The following COL5A1 variants were observed in gnomAD, a reference collection of about 807,000 sequenced individuals.
The protein encoded by COL5A1 is collagen type V alpha 1 chain, also known as collagen alpha-1(V) chain.
In COL5A1, 16 loss-of-function variants were observed where a neutral mutation model predicts 263.7. The observed-to-expected ratio is 0.06, with a 90% CI of 0.04 to 0.09. The LOEUF is 0.09. Ranked by LOEUF, COL5A1 falls within the 10% of genes least tolerant of loss-of-function variation. The probability of loss-of-function intolerance (pLI) is 1.00; values close to 1 mark genes in which losing one functional copy is unlikely to be tolerated. For missense variants in COL5A1, 2,036 were observed against 2,540.5 expected (o/e 0.80, Z 4.27); for synonymous variants, 1,012 against 1,004.5 (o/e 1.01, Z -0.14).
At position 134,686,357 on chromosome 9, in the gene COL5A1, G is replaced by A. The variant is rs773545388; in HGVS notation, c.110-4555G>A. Among the ~76,000 whole-genome samples the A allele has an allele frequency of 1.3e-5, 2 of 151,928 alleles. No homozygotes were observed. The highest frequency in any genetic ancestry group is 2.4e-5 in the African/African-American group (1 of 41,350). ...CAACCTCCACCACCCAGGGTCAAACGAGCCTCACACCTCAGCCCCTCAGTA... is the reference window on the plus strand; with the variant it reads ...CAACCTCCACCACCCAGGGTCAAACAAGCCTCACACCTCAGCCCCTCAGTA... On this transcript the variant is annotated intron_variant, in intron 1 of 65. Coordinates refer to ENST00000371817, the MANE Select transcript of COL5A1 (RefSeq NM_000093.5). This position sits in a 1 kb window ranked among gnomAD's most constrained non-coding sequence, Gnocchi z 4.6.
At position 134,742,622 on chromosome 9, in the gene COL5A1, G is replaced by A. The variant is rs10117539; in HGVS notation, c.1494+3814G>A. ...CCAAGAGAGCTGGGAGTCCCCAAGT[G>A]AGCTGCAGGCCAGGTGGCCGTTACT... On this transcript the variant is annotated intron_variant, in intron 11 of 65. Transcript: ENST00000371817. This position sits in a 1 kb window ranked among gnomAD's most constrained non-coding sequence, Gnocchi z 4.6. Among the ~76,000 whole-genome samples the A allele has an allele frequency of 0.041, 6,209 of 152,308 alleles. 142 individuals carry two copies. Among genetic ancestry groups the A allele is most frequent in the Middle Eastern group, 0.048 (14 of 294 alleles).
At chr9:134,790,105 C>T (rs1427325934) in intron 32 of COL5A1, among the ~76,000 whole-genome samples, 2 of 152,224 alleles carry the variant, frequency 1.3e-5, no homozygotes, top group Non-Finnish European at 2.9e-5. Context: ...TCCTGCTGTC[C>T]CAGGGCAGAC....
At position 134,642,375 on chromosome 9, in the gene COL5A1, G is replaced by T; in HGVS notation, c.109+79G>T. On this transcript the variant is annotated intron_variant, in intron 1 of 65. Coordinates refer to ENST00000371817, the MANE Select transcript of COL5A1 (RefSeq NM_000093.5). The surrounding 1 kb of genome is among the most constrained non-coding windows in gnomAD (Gnocchi z 4.5). ...GCCGCTGTCATCCCCGGGCGCCTTC[G>T]CCCGCAGAACTTTTCTTCCTTGGCC... 3.2e-6 allele frequency: 1 copy of T among 311,674 alleles called. No individual in the cohort carries two copies. The highest frequency in any genetic ancestry group is 5.4e-6 in the Non-Finnish European group (1 of 184,520). 19.3% of individuals were successfully genotyped at this position (311,674 alleles called of 1,614,324 possible). A position where few individuals can be genotyped will look rare whatever the true frequency, so the allele number is the denominator to read the frequency against.
intron 34 of COL5A1, among the ~76,000 whole-genome samples, chr9:134,795,606 GC>G (rs1837878234): frequency 6.6e-6 from 1 of 152,114 alleles, no homozygotes; most frequent in Non-Finnish European, 1.5e-5. Flanking sequence ...AGGGGGCCAG[GC>G]CCACCGCAGA....
At chr9:134,806,360 G>A in intron 42 of COL5A1, 64 bp downstream of exon 42, 1 of 1,195,852 alleles carries the variant, frequency 8.4e-7, no homozygotes, top group Non-Finnish European at 1.2e-6. Context: ...TCCGTGTCTG[G>A]CCTTGTCCCT....
At chr9:134,762,868 C>T (rs1363619381) in intron 19 of COL5A1, among the ~76,000 whole-genome samples, 5 of 149,712 alleles carry the variant, frequency 3.3e-5, no homozygotes, top group Non-Finnish European at 6.0e-5. Flanking sequence ...ATTGAGAGGA[C>T]GTGTGTGTGT....
chr9:134,727,199 G>T, intron 4 of COL5A1, 67 bp from the exon 5 acceptor site: 1 of 1,555,608 alleles, frequency 6.4e-7, no homozygotes. Context: ...GCATGGGGCT[G>T]TGTCTCCCAG....
rs150993138 is a variant in COL5A1 at position 134,767,050 on chromosome 9, C to A, written c.2184C>A (p.Ala728=). Residue 728 remains alanine, a synonymous_variant, in exon 23 of 66, where the codon GCC becomes GCA. Transcript: ENST00000371817. ...CAGGACAGCAGGGTAATCCAGGCGC[C>A]CAGGTAAGTGAGCCTGAGAGAGGCA... ...GPPGQQGNPG[A]QGLPGPQGAI... 74 of 1,613,290 alleles carry A rather than the reference C, an allele frequency of 4.6e-5. 1 individual carries two copies. Among genetic ancestry groups the A allele is most frequent in the South Asian group, 5.5e-5 (5 of 90,950 alleles).
In COL5A1 at chr9:134,738,674, T is replaced by C; in HGVS notation, c.1432-72T>C. Reference sequence around the variant, plus strand: ...ATCCCACCCCCACCTCTGCCTTGGTTGGCCAGTTGGAACTTGGACCTTGCC... The same window carrying C: ...ATCCCACCCCCACCTCTGCCTTGGTCGGCCAGTTGGAACTTGGACCTTGCC... On this transcript the variant is annotated intron_variant, in intron 10 of 65. Transcript: ENST00000371817. 5 of 1,494,684 alleles carry C rather than the reference T, an allele frequency of 3.3e-6. No homozygotes were observed. In the South Asian group the frequency reaches 5.6e-5, roughly 17 times the overall value. 92.6% of individuals were successfully genotyped at this position (1,494,684 alleles called of 1,614,324 possible). A position where few individuals can be genotyped will look rare whatever the true frequency, so the allele number is the denominator to read the frequency against.
chr9:134,785,202 G>A lies in COL5A1; in HGVS notation c.2592+106G>A, dbSNP rs1837412262. The A allele has an allele frequency of 3.6e-6, 3 of 832,106 alleles. No homozygotes were observed. In the African/African-American group the frequency reaches 5.1e-5, roughly 14 times the overall value. 51.5% of individuals were successfully genotyped at this position (832,106 alleles called of 1,614,324 possible). A position where few individuals can be genotyped will look rare whatever the true frequency, so the allele number is the denominator to read the frequency against. On this transcript the variant is annotated intron_variant, in intron 30 of 65. Transcript: ENST00000371817. Reference sequence around the variant, plus strand: ...TGTGGCTGCCCTAGGCATGGGGTGGGGGTGATTCCTGAGCGGGCTCCTGTC... The same window carrying A: ...TGTGGCTGCCCTAGGCATGGGGTGGAGGTGATTCCTGAGCGGGCTCCTGTC...
Position 134,818,023 on chromosome 9 carries a change from A to G in COL5A1, c.4230+192A>G, listed in dbSNP as rs1838831656. On this transcript the variant is annotated intron_variant, in intron 54 of 65. Coordinates refer to ENST00000371817, the MANE Select transcript of COL5A1 (RefSeq NM_000093.5). This position sits in a 1 kb window ranked among gnomAD's most constrained non-coding sequence, Gnocchi z 6.0. ...TCAAGGAGGCAGCCAAGTGGTGGCCACAAGACTGGGGCCGTCTGCCTTGCC... is the reference window on the plus strand; with the variant it reads ...TCAAGGAGGCAGCCAAGTGGTGGCCGCAAGACTGGGGCCGTCTGCCTTGCC... 6.6e-6 allele frequency among the ~76,000 whole-genome samples: 1 copy of G among 152,222 alleles called. No individual in the cohort carries two copies. Among genetic ancestry groups the G allele is most frequent in the Non-Finnish European group, 1.5e-5 (1 of 68,032 alleles).
In COL5A1 at chr9:134,744,696, C is replaced by A. The variant is rs184986575; in HGVS notation, c.1495-5846C>A. The stretch of plus-strand genomic sequence containing the variant: ...ACACACATTCACACATGCATGCACA[C>A]ACCCATACATGCTCTCACACAGTTA... On this transcript the variant is annotated intron_variant, in intron 11 of 65. Coordinates refer to ENST00000371817, the MANE Select transcript of COL5A1 (RefSeq NM_000093.5). Among the ~76,000 whole-genome samples the A allele has an allele frequency of 2.7e-3, 415 of 151,698 alleles. 3 individuals carry two copies. The highest frequency in any genetic ancestry group is 9.8e-3 in the African/African-American group (402 of 41,040).
chr9:134,809,356 T>C (rs905811135), intron 43 of COL5A1, 66 bp downstream of exon 43: 17 of 1,264,856 alleles, frequency 1.3e-5, no homozygotes, highest in Middle Eastern at 2.6e-4. Context: ...GGGAGGGTGG[T>C]GAATTTAAAG....
At chr9:134,717,986 A>T (rs1464348806) in intron 4 of COL5A1, among the ~76,000 whole-genome samples, 3 of 151,284 alleles carry the variant, frequency 2.0e-5, no homozygotes, top group African/African-American at 7.3e-5. Flanking sequence ...AGGGAGCAGC[A>T]GCATGAGAAG....
intron 18 of COL5A1, among the ~76,000 whole-genome samples, chr9:134,761,139 G>C (rs1208022881): frequency 7.3e-6 from 1 of 136,642 alleles, no homozygotes; most frequent in Non-Finnish European, 1.5e-5. Flanking sequence ...ACCCCCACAT[G>C]CATACACGCC....
chr9:134,650,742 T>G (rs1831651157), intron 1 of COL5A1, among the ~76,000 whole-genome samples: 1 of 152,264 alleles, frequency 6.6e-6, no homozygotes, highest in Non-Finnish European at 1.5e-5. Flanking sequence ...AGAGGGCACG[T>G]TCCCGTGCAT....
In COL5A1 at chr9:134,842,577, C is replaced by G; in HGVS notation, c.*274C>G. On this transcript the variant is annotated 3_prime_UTR_variant, in exon 66 of 66. Transcript: ENST00000371817. This position sits in a 1 kb window ranked among gnomAD's most constrained non-coding sequence, Gnocchi z 5.8. ...ACGCTCTGTCCACACCCACGCGCCC[C>G]GGGAGCGGGGCCATGCCTCCAGCCC... 1.8e-6 allele frequency: 1 copy of G among 555,958 alleles called. No homozygotes were observed. Among genetic ancestry groups the G allele is most frequent in the Non-Finnish European group, 3.2e-6 (1 of 309,212 alleles). 34.4% of individuals were successfully genotyped at this position (555,958 alleles called of 1,614,324 possible).
chr9:134,782,805 C>T, intron 29 of COL5A1, 85 bp downstream of exon 29: 1 of 1,277,136 alleles, frequency 7.8e-7, no homozygotes, highest in Non-Finnish European at 1.1e-6. Flanking sequence ...TTTGCCGCCA[C>T]AGGGCAGCTT....
At chr9:134,772,875 T>C (rs2132742359) in intron 26 of COL5A1, 41 bp downstream of exon 26, 1 of 1,605,926 alleles carries the variant, frequency 6.2e-7, no homozygotes, top group Non-Finnish European at 8.5e-7. Context: ...AGCATCCAGG[T>C]GGGGCGGGTC....
Sources: allele counts gnomAD v4.1 joint callset (sites outside exome capture counted in the v4.1 genomes callset), GRCh38; gene constraint gnomAD v4.1.1; non-coding constraint Gnocchi (gnomAD v3.1); transcripts MANE v1.5; gene names NCBI Gene and HGNC (gene_info 2026-07-23, HGNC 2026-07-21).